Variants in PPP2R5A observed in about 807,000 individuals in gnomAD.
The protein encoded by PPP2R5A is serine/threonine-protein phosphatase 2A 56 kDa regulatory subunit alpha isoform.
In PPP2R5A, 25 loss-of-function variants were observed where a neutral mutation model predicts 64.2. That is an observed-to-expected ratio of 0.39 (90% CI 0.28 to 0.54). PPP2R5A has a LOEUF of 0.54. Ranked by LOEUF, PPP2R5A falls within the 20% of genes least tolerant of loss-of-function variation. The probability of loss-of-function intolerance (pLI) is 0.67; values close to 1 mark genes in which losing one functional copy is unlikely to be tolerated. For missense variants in PPP2R5A, 425 were observed against 576.3 expected, an observed-to-expected ratio of 0.74 and a Z score of 2.69; for synonymous variants, 198 against 201.2, an observed-to-expected ratio of 0.98 and a Z score of 0.13.
intron 1 of PPP2R5A, among the ~76,000 whole-genome samples, chr1:212,306,542 A>T (rs1658907504): frequency 6.6e-6 from 1 of 152,230 alleles, no homozygotes; most frequent in Non-Finnish European, 1.5e-5. Context: ...CTATTTTTTT[A>T]AAGTCTGTTT....
chr1:212,343,259 C>G (rs1659717558), intron 4 of PPP2R5A, among the ~76,000 whole-genome samples: 1 of 152,050 alleles, frequency 6.6e-6, no homozygotes, highest in Non-Finnish European at 1.5e-5. Context: ...GCCAAAGGCC[C>G]CTTTTTAACT....
chr1:212,337,358 C>T (rs1470390), intron 3 of PPP2R5A, among the ~76,000 whole-genome samples: 29,462 of 151,950 alleles, frequency 0.19, 2,979 homozygotes, highest in Middle Eastern at 0.31. Flanking sequence ...ACTTTAGTGG[C>T]ACAGATAATT....
chr1:212,348,405 G>T lies in PPP2R5A; in HGVS notation c.781G>T (p.Ala261Ser). 6.2e-7 allele frequency: 1 copy of T among 1,607,126 alleles called. No homozygotes were observed. ...TCCCTCCAGTATTATCAATGGCTTT[G>T]CATTGCCACTGAAAGCAGAACATAA... Reference protein sequence around the residue: ...EILGSIINGFALPLKAEHKQF... With the variant: ...EILGSIINGFSLPLKAEHKQF... Residue 261 changes from alanine to serine, a missense_variant, in exon 7 of 13, where the codon GCA becomes TCA. Physicochemically the swap from Ala to Ser is moderately conservative, Grantham distance 99 (BLOSUM62 1). Around this residue, in one of 4 missense-constraint regions of PPP2R5A, gnomAD observed 4 missense variants for 31.3 expected, o/e 0.13. Coordinates refer to ENST00000261461, the MANE Select transcript of PPP2R5A (RefSeq NM_006243.4).
At chr1:212,319,176 A>G (rs916867498) in intron 1 of PPP2R5A, among the ~76,000 whole-genome samples, 3 of 152,354 alleles carry the variant, frequency 2.0e-5, no homozygotes, top group Middle Eastern at 3.4e-3. Context: ...AATTAAATTC[A>G]GAGTGACTGA....
At chr1:212,303,476 T>C (rs1016024078) in intron 1 of PPP2R5A, among the ~76,000 whole-genome samples, 2 of 152,314 alleles carry the variant, frequency 1.3e-5, no homozygotes, top group South Asian at 4.2e-4. Flanking sequence ...TTATATGTCC[T>C]TGATATAAGC....
At chr1:212,306,231 A>G (rs1408891761) in intron 1 of PPP2R5A, among the ~76,000 whole-genome samples, 1 of 152,188 alleles carries the variant, frequency 6.6e-6, no homozygotes, top group Non-Finnish European at 1.5e-5. Flanking sequence ...GTAATGAGCC[A>G]TAAAGTTAGT....
intron 1 of PPP2R5A, among the ~76,000 whole-genome samples, chr1:212,322,032 A>G (rs1044784493): frequency 2.0e-5 from 3 of 151,794 alleles, no homozygotes; most frequent in Non-Finnish European, 4.4e-5. Context: ...CCAAAAAAAT[A>G]CGAAAACCAG....
rs957962074 is a variant in PPP2R5A at position 212,360,822 on chromosome 1, G to C, written c.*52G>C. On this transcript the variant is annotated 3_prime_UTR_variant, in exon 13 of 13. Coordinates refer to ENST00000261461, the MANE Select transcript of PPP2R5A (RefSeq NM_006243.4). ...TAGGCAGAGTTTTGTATGCTTTTTT[G>C]AAATATGTAAAAATTACAAAACAAA... The C allele has an allele frequency of 2.7e-6, 4 of 1,461,450 alleles. No homozygotes were observed. Among genetic ancestry groups the C allele is most frequent in the Non-Finnish European group, 2.7e-6 (3 of 1,101,010 alleles). 90.5% of individuals were successfully genotyped at this position (1,461,450 alleles called of 1,614,324 possible).
chr1:212,338,350 A>G (rs933213630), intron 3 of PPP2R5A, among the ~76,000 whole-genome samples: 5 of 152,230 alleles, frequency 3.3e-5, no homozygotes, highest in African/African-American at 4.8e-5. Flanking sequence ...TACATTGAAC[A>G]TAGTTGAAGT....
At chr1:212,300,259 A>AT (rs771220257) in intron 1 of PPP2R5A, among the ~76,000 whole-genome samples, 15 of 152,152 alleles carry the variant, frequency 9.9e-5, no homozygotes, top group Non-Finnish European at 1.8e-4. Context: ...CTCTCTATAT[A>AT]TTTTTAAGAA....
At chr1:212,319,065 C>T (rs575515055) in intron 1 of PPP2R5A, among the ~76,000 whole-genome samples, 2 of 152,270 alleles carry the variant, frequency 1.3e-5, no homozygotes, top group East Asian at 1.9e-4. Flanking sequence ...TTTATTTATA[C>T]ATTTTGGAAG....
At chr1:212,332,772 T>C (rs1659524874) in intron 2 of PPP2R5A, among the ~76,000 whole-genome samples, 1 of 152,216 alleles carries the variant, frequency 6.6e-6, no homozygotes, top group South Asian at 2.1e-4. Flanking sequence ...TGTTGGAATA[T>C]GGGAGGAATT....
At chr1:212,349,293 A>C in intron 8 of PPP2R5A, 51 bp downstream of exon 8, 2 of 1,397,744 alleles carry the variant, frequency 1.4e-6, no homozygotes, top group Non-Finnish European at 9.8e-7. Flanking sequence ...ATAGCATTTC[A>C]TTGTAGCTTT....
At chr1:212,308,061 G>A (rs562215635) in intron 1 of PPP2R5A, among the ~76,000 whole-genome samples, 7 of 152,072 alleles carry the variant, frequency 4.6e-5, no homozygotes, top group Non-Finnish European at 1.0e-4. Flanking sequence ...TGTTGCCCAG[G>A]CTGATCTTGA....
At chr1:212,302,504 T>C (rs1658815989) in intron 1 of PPP2R5A, among the ~76,000 whole-genome samples, 1 of 152,214 alleles carries the variant, frequency 6.6e-6, no homozygotes, top group African/African-American at 2.4e-5. Context: ...ATTGCTGCAA[T>C]TGATCTTTAA....
intron 1 of PPP2R5A, among the ~76,000 whole-genome samples, chr1:212,286,921 A>C (rs1436694612): frequency 1.3e-5 from 2 of 152,230 alleles, no homozygotes; most frequent in Non-Finnish European, 2.9e-5. Flanking sequence ...GTTAGCTTTA[A>C]ATGGTATCCT....
intron 1 of PPP2R5A, chr1:212,309,320 TG>T: frequency 1.3e-6 from 2 of 1,524,192 alleles, no homozygotes; most frequent in Non-Finnish European, 9.0e-7. Flanking sequence ...TTGTTTCTCC[TG>T]GGGGCGCTCT....
At chr1:212,295,797 A>T (rs941741352) in intron 1 of PPP2R5A, among the ~76,000 whole-genome samples, 3 of 152,194 alleles carry the variant, frequency 2.0e-5, no homozygotes, top group Non-Finnish European at 4.4e-5. Flanking sequence ...TCTTTAGGCA[A>T]CATTGGTGAC....
At position 212,296,804 on chromosome 1, in the gene PPP2R5A, T is replaced by C. The variant is rs1658698934; in HGVS notation, c.181+10513T>C. The stretch of plus-strand genomic sequence containing the variant: ...AAACATCATTTATATCATACAATAA[T>C]TTACAATTTTAGGGTGATTTATAAC... On this transcript the variant is annotated intron_variant, in intron 1 of 12. Coordinates refer to ENST00000261461, the MANE Select transcript of PPP2R5A (RefSeq NM_006243.4). Among the ~76,000 whole-genome samples, 6 of 152,328 alleles carry C rather than the reference T, an allele frequency of 3.9e-5. No homozygotes were observed. In the South Asian group the frequency reaches 1.0e-3, roughly 26 times the overall value.
Sources: allele counts gnomAD v4.1 joint callset (sites outside exome capture counted in the v4.1 genomes callset), GRCh38; gene constraint gnomAD v4.1.1; regional missense constraint gnomAD v4.1.1; transcripts MANE v1.5; gene names NCBI Gene and HGNC (gene_info 2026-07-23, HGNC 2026-07-21).